Variants in DDAH1 observed in about 807,000 individuals in gnomAD.
The protein encoded by DDAH1 is N(G),N(G)-dimethylarginine dimethylaminohydrolase 1.
Under a neutral mutation model 28.8 loss-of-function variants are expected in DDAH1, and 19 were observed. The observed-to-expected ratio is 0.66, with a 90% CI of 0.46 to 0.97. DDAH1 has a LOEUF of 0.97. Among genes scored for constraint, DDAH1 ranks in the 50% least tolerant of loss-of-function variants. The probability of loss-of-function intolerance (pLI) is 0.00; values close to 1 mark genes in which losing one functional copy is unlikely to be tolerated. For synonymous variants in DDAH1, 153 were observed against 154.4 expected, an observed-to-expected ratio of 0.99 and a Z score of 0.07; for missense variants, 326 against 375.9, an observed-to-expected ratio of 0.87 and a Z score of 1.10.
rs1052994933 is a variant in DDAH1 at position 85,333,402 on chromosome 1, A to G, written c.598-8519T>C. 2.0e-5 allele frequency among the ~76,000 whole-genome samples: 3 copies of G among 152,250 alleles called. No homozygotes were observed. In the South Asian group the frequency reaches 6.2e-4, roughly 32 times the overall value. On this transcript the variant is annotated intron_variant, in intron 4 of 5. Coordinates refer to ENST00000284031, the MANE Select transcript of DDAH1 (RefSeq NM_012137.4). ...CACCAGATGCACAGATATCAATGAAAGGACACAGAAATACAAAAAAGCAAG... is the reference window on the plus strand; with the variant it reads ...CACCAGATGCACAGATATCAATGAAGGGACACAGAAATACAAAAAAGCAAG...
chr1:85,367,225 AAGCTCC>A (rs1284198608), intron 1 of DDAH1, among the ~76,000 whole-genome samples: 3 of 152,148 alleles, frequency 2.0e-5, no homozygotes, highest in African/African-American at 7.2e-5. Context: ...AGGATCTAAC[AAGCTCC>A]AGGCCGATGC....
intron 2 of DDAH1, among the ~76,000 whole-genome samples, chr1:85,484,985 AACTAATACAGGTT>A (rs1285239009): frequency 6.6e-6 from 1 of 152,358 alleles, no homozygotes; most frequent in East Asian, 1.9e-4. Flanking sequence ...CCTTCTTAGT[AACTAATACAGGTT>A]ACTGTGTGCT....
rs143086718 is a variant in DDAH1, at chr1:85,418,234, T to C, written c.303+46509A>G. ...CTCAGCAAGTGGACCAATCAAAAAA[T>C]TGGTCCAAGAAAAGCATTTCCCTTT... is the stretch of plus-strand genomic sequence containing the variant. On this transcript the variant is annotated intron_variant, in intron 1 of 5. Coordinates refer to ENST00000284031, the MANE Select transcript of DDAH1 (RefSeq NM_012137.4). Among the ~76,000 whole-genome samples, 406 of 152,326 alleles carry C rather than the reference T, an allele frequency of 2.7e-3. 2 individuals are homozygous for C. Among genetic ancestry groups the C allele is most frequent in the African/African-American group, 9.6e-3 (398 of 41,576 alleles).
chr1:85,514,343 T>C (rs12038066), intron 1 of DDAH1, among the ~76,000 whole-genome samples: 1 of 152,044 alleles, frequency 6.6e-6, no homozygotes, highest in Non-Finnish European at 1.5e-5. Context: ...ATGAGATCAC[T>C]TGGACACAGG....
chr1:85,558,570 C>G (rs17127889), intron 1 of DDAH1, among the ~76,000 whole-genome samples: 3,039 of 152,154 alleles, frequency 0.02, 108 homozygotes, highest in African/African-American at 0.07. Context: ...TGATGGGTCT[C>G]TATGTTTTTT....
rs190951598 is a variant in DDAH1 at position 85,409,137 on chromosome 1, T to C, written c.304-50290A>G. Among the ~76,000 whole-genome samples the C allele has an allele frequency of 4.1e-5, 6 of 144,914 alleles. No homozygotes were observed. In the East Asian group the frequency reaches 1.0e-3, roughly 24 times the overall value. The stretch of plus-strand genomic sequence containing the variant: ...AAACATTATGAGATTTTTTTGATGA[T>C]TTTTTTTTAGCTCACCAGCTATTGT... On this transcript the variant is annotated intron_variant, in intron 1 of 5. Coordinates refer to ENST00000284031, the MANE Select transcript of DDAH1 (RefSeq NM_012137.4).
intron 1 of DDAH1, among the ~76,000 whole-genome samples, chr1:85,455,456 TC>T (rs1342774687): frequency 2.0e-5 from 3 of 152,202 alleles, no homozygotes; most frequent in Admixed American, 2.0e-4. Flanking sequence ...TTTTTGTCTT[TC>T]TTTAGAAAAA....
At chr1:85,552,501 A>G (rs74723550) in intron 1 of DDAH1, among the ~76,000 whole-genome samples, 3,279 of 152,246 alleles carry the variant, frequency 0.022, 63 homozygotes, top group South Asian at 0.055. Context: ...TACTTGTCCA[A>G]CGAAGTCTAG....
chr1:85,437,538 T>G (rs1160251395), intron 1 of DDAH1, among the ~76,000 whole-genome samples: 1 of 152,210 alleles, frequency 6.6e-6, no homozygotes, highest in Non-Finnish European at 1.5e-5. Flanking sequence ...CCTTATGATT[T>G]GCTTAATAAC....
At chr1:85,377,949 T>C (rs1490161479) in intron 1 of DDAH1, among the ~76,000 whole-genome samples, 2 of 152,202 alleles carry the variant, frequency 1.3e-5, no homozygotes, top group African/African-American at 2.4e-5. Flanking sequence ...ATATATAACG[T>C]GAGCATAAAA....
intron 1 of DDAH1, chr1:85,577,969 C>G: frequency 1.0e-6 from 1 of 985,400 alleles, no homozygotes; most frequent in Non-Finnish European, 1.2e-6. Flanking sequence ...AATTAGCACC[C>G]GAAGCAACAC....
At chr1:85,384,811 C>G (rs1348740436) in intron 1 of DDAH1, among the ~76,000 whole-genome samples, 1 of 152,138 alleles carries the variant, frequency 6.6e-6, no homozygotes, top group East Asian at 1.9e-4. Flanking sequence ...GAAATTGCTT[C>G]TTTAAGAACA....
chr1:85,441,436 G>A (rs1482036785), intron 1 of DDAH1, among the ~76,000 whole-genome samples: 1 of 152,134 alleles, frequency 6.6e-6, no homozygotes, highest in African/African-American at 2.4e-5. Context: ...AGCTACTCGG[G>A]AGGCTGAGGT....
intron 1 of DDAH1, among the ~76,000 whole-genome samples, chr1:85,573,394 A>C (rs1253911525): frequency 6.6e-6 from 1 of 152,264 alleles, no homozygotes; most frequent in Non-Finnish European, 1.5e-5. Flanking sequence ...TCTGGAGCCA[A>C]GCCATTTGAT....
At chr1:85,326,428 T>G (rs1647399691) in intron 4 of DDAH1, among the ~76,000 whole-genome samples, 2 of 152,210 alleles carry the variant, frequency 1.3e-5, no homozygotes, top group Admixed American at 1.3e-4. Flanking sequence ...TTTACATTTA[T>G]TATCTAATCT....
At chr1:85,330,538 C>G (rs946698345) in intron 4 of DDAH1, among the ~76,000 whole-genome samples, 1 of 152,134 alleles carries the variant, frequency 6.6e-6, no homozygotes, top group Non-Finnish European at 1.5e-5. Flanking sequence ...GGAGACACAC[C>G]TAAACCCTCC....
chr1:85,464,472 A>C lies in DDAH1; in HGVS notation c.303+271T>G. 6.6e-7 allele frequency: 1 copy of C among 1,512,426 alleles called. No homozygotes were observed. The highest frequency in any genetic ancestry group is 2.0e-5 in the Admixed American group (1 of 50,244). The allele number at this position is 1,512,426 out of a possible 1,614,324, so 93.7% of individuals were successfully genotyped here. On this transcript the variant is annotated intron_variant, in intron 1 of 5. Coordinates refer to ENST00000284031, the MANE Select transcript of DDAH1 (RefSeq NM_012137.4). This position sits in a 1 kb window ranked among gnomAD's most constrained non-coding sequence, Gnocchi z 4.4. Reference sequence around the variant, plus strand: ...ATTTTCACAAATAAAAATGCCCGTGAGACGGAATCCCCCGCCCACCCACCT... The same window carrying C: ...ATTTTCACAAATAAAAATGCCCGTGCGACGGAATCCCCCGCCCACCCACCT...
At chr1:85,494,387 T>C (rs1229523713) in intron 2 of DDAH1, 1 of 152,178 alleles carries the variant, frequency 6.6e-6, no homozygotes, top group East Asian at 1.9e-4. Context: ...AGCAAAAACA[T>C]GTTTTTCCTC....
chr1:85,369,490 G>A (rs1356088082), intron 1 of DDAH1, among the ~76,000 whole-genome samples: 1 of 152,174 alleles, frequency 6.6e-6, no homozygotes, highest in African/African-American at 2.4e-5. Flanking sequence ...GACATTTCAA[G>A]GGTGGGAAGA....
Sources: gnomAD v4.1 joint callset for allele counts (sites outside exome capture counted in the v4.1 genomes callset) on GRCh38, gnomAD v4.1.1 for gene constraint, Gnocchi (gnomAD v3.1) non-coding constraint, MANE v1.5 for transcripts, NCBI Gene and HGNC (gene_info 2026-07-23, HGNC 2026-07-21) for gene names.